Variants in CCSER1 observed in about 807,000 individuals in gnomAD.
CCSER1 encodes the protein coiled-coil serine rich protein 1, also known as serine-rich coiled-coil domain-containing protein 1.
CCSER1 carries 41 observed loss-of-function variants against 82.0 expected under a neutral mutation model. That is an observed-to-expected ratio of 0.50 (90% CI 0.39 to 0.65). The LOEUF (loss-of-function observed/expected upper bound fraction) is 0.65. CCSER1 is among the 30% of genes least tolerant of loss of function. CCSER1 has a pLI of 0.00. For synonymous variants in CCSER1, 414 were observed against 383.9 expected (o/e 1.08, Z -0.92); for missense variants, 1,119 against 1,064.2 (o/e 1.05, Z -0.72).
chr4:90,839,024 G>A (rs770744011), intron 8 of CCSER1: 5 of 1,612,378 alleles, frequency 3.1e-6, no homozygotes, highest in Non-Finnish European at 4.2e-6. Context: ...AGCCATATCG[G>A]GTTTGTCAGA....
At chr4:90,449,933 C>T (rs114178784) in intron 4 of CCSER1, among the ~76,000 whole-genome samples, 1,604 of 152,266 alleles carry the variant, frequency 0.011, 31 homozygotes, top group African/African-American at 0.036. Context: ...CCTGCTGGCT[C>T]CATGGAGTGT....
intron 9 of CCSER1, among the ~76,000 whole-genome samples, chr4:90,956,279 G>A (rs1321194347): frequency 6.6e-6 from 1 of 152,162 alleles, no homozygotes; most frequent in Non-Finnish European, 1.5e-5. Flanking sequence ...TTTGGCTTAA[G>A]AAAGACCTAC....
intron 7 of CCSER1, among the ~76,000 whole-genome samples, chr4:90,739,372 C>T (rs929464517): frequency 1.3e-5 from 2 of 152,170 alleles, no homozygotes; most frequent in Admixed American, 6.5e-5. Context: ...CTTTCCCCCT[C>T]CTCTCCTTAA....
rs542978696 is a variant in CCSER1 at position 90,890,460 on chromosome 4, A to G, written c.2095-32910A>G. Reference sequence around the variant, plus strand: ...AGGTGAATGCTCACTCTAAGCAGCCAGTACCGGACTGTCTTTGTCAGTGAG... The same window carrying G: ...AGGTGAATGCTCACTCTAAGCAGCCGGTACCGGACTGTCTTTGTCAGTGAG... On this transcript the variant is annotated intron_variant, in intron 8 of 10. Coordinates refer to ENST00000509176, the MANE Select transcript of CCSER1 (RefSeq NM_001145065.2). Among the ~76,000 whole-genome samples the G allele has an allele frequency of 3.3e-5, 5 of 152,300 alleles. No homozygotes were observed. The East Asian group carries it at 5.8e-4, about 18-fold the overall frequency.
chr4:90,984,447 A>C (rs1736404597), intron 9 of CCSER1, among the ~76,000 whole-genome samples: 1 of 151,744 alleles, frequency 6.6e-6, no homozygotes, highest in Admixed American at 6.6e-5. Context: ...GGCTGCCAGT[A>C]GCTTTCGTGT....
intron 5 of CCSER1, among the ~76,000 whole-genome samples, chr4:90,473,867 T>C (rs1398117024): frequency 1.2e-4 from 19 of 152,252 alleles, no homozygotes. Flanking sequence ...GGCAGATATT[T>C]ATTTGTTAAT....
chr4:90,355,700 C>A (rs1744262617), intron 3 of CCSER1, among the ~76,000 whole-genome samples: 2 of 151,910 alleles, frequency 1.3e-5, no homozygotes, highest in African/African-American at 4.8e-5. Context: ...TCTTCTTAAT[C>A]TGTAATTATA....
intron 7 of CCSER1, among the ~76,000 whole-genome samples, chr4:90,749,049 C>T (rs1748077159): frequency 6.6e-6 from 1 of 151,608 alleles, no homozygotes; most frequent in Non-Finnish European, 1.5e-5. Context: ...TAATTAGATC[C>T]CATTTGTCAA....
rs144154340 is a variant in CCSER1, at chr4:90,406,404, A to G, written c.1603+6275A>G. 5.5e-3 allele frequency among the ~76,000 whole-genome samples: 839 copies of G among 152,308 alleles called. 3 individuals are homozygous for G. Among genetic ancestry groups the G allele is most frequent in the African/African-American group, 0.017 (722 of 41,572 alleles). On this transcript the variant is annotated intron_variant, in intron 4 of 10. Transcript: ENST00000509176. ...AAGAAATGAGATAGATGGCAACACAATAATGGTGGGGGACTTCAATACTTC... is the reference window on the plus strand; with the variant it reads ...AAGAAATGAGATAGATGGCAACACAGTAATGGTGGGGGACTTCAATACTTC...
rs1053500328 is a variant in CCSER1 at position 90,233,642 on chromosome 4, A to C, written c.-41-74602A>C. On this transcript the variant is annotated intron_variant, in intron 1 of 10. Transcript: ENST00000509176. Reference sequence around the variant, plus strand: ...GTATAATAATAATAAATTAAAAAAAAAAAACAAAACAAACTGGCCTTATGA... The same window carrying C: ...GTATAATAATAATAAATTAAAAAAACAAAACAAAACAAACTGGCCTTATGA... Among the ~76,000 whole-genome samples, 14 of 151,734 alleles carry C rather than the reference A, an allele frequency of 9.2e-5. No homozygotes were observed. In the South Asian group the frequency reaches 1.0e-3, roughly 11 times the overall value.
At chr4:91,232,269 A>G (rs996166262) in intron 10 of CCSER1, among the ~76,000 whole-genome samples, 2 of 151,922 alleles carry the variant, frequency 1.3e-5, no homozygotes, top group Non-Finnish European at 2.9e-5. Flanking sequence ...TAATGTATAT[A>G]TAAGAATATT....
At chr4:90,780,407 A>G (rs1753609453) in intron 7 of CCSER1, 2 of 1,597,872 alleles carry the variant, frequency 1.3e-6, no homozygotes, top group South Asian at 2.2e-5. Flanking sequence ...TTGGTAGAAT[A>G]TAAGGACTGT....
chr4:90,864,290 G>C (rs7698571), intron 8 of CCSER1, among the ~76,000 whole-genome samples: 1 of 151,930 alleles, frequency 6.6e-6, no homozygotes, highest in South Asian at 2.1e-4. Flanking sequence ...TTGGATTTAG[G>C]TTATGCTATG....
chr4:90,491,935 A>AT (rs1768094694), intron 5 of CCSER1, among the ~76,000 whole-genome samples: 1 of 152,016 alleles, frequency 6.6e-6, no homozygotes, highest in African/African-American at 2.4e-5. Flanking sequence ...TTTATTGAGG[A>AT]TTTTTGCATC....
chr4:90,301,125 G>C (rs539309406), intron 1 of CCSER1, among the ~76,000 whole-genome samples: 1 of 152,096 alleles, frequency 6.6e-6, no homozygotes, highest in East Asian at 1.9e-4. Flanking sequence ...ATGAACCAGT[G>C]AACCCAGAGA....
At chr4:90,551,706 C>CTCTCTCTCTCTCTCTATATATATA in intron 5 of CCSER1, among the ~76,000 whole-genome samples, 9 of 104,240 alleles carry the variant, frequency 8.6e-5, no homozygotes, top group South Asian at 4.0e-4. Flanking sequence ...CTCTCTCTCT[C>CTCTCTCTCTCTCTCTATATATATA]TATATATATA....
intron 10 of CCSER1, among the ~76,000 whole-genome samples, chr4:91,389,840 A>G (rs11943389): frequency 0.013 from 1,963 of 152,134 alleles, 33 homozygotes; most frequent in Middle Eastern, 0.041. Context: ...TGGGGTGCTA[A>G]TACAAATGGT....
intron 3 of CCSER1, among the ~76,000 whole-genome samples, chr4:90,350,800 A>G (rs564940376): frequency 1.0e-3 from 153 of 152,254 alleles, no homozygotes; most frequent in African/African-American, 3.6e-3. Context: ...ATAGTCAACC[A>G]TATTCTCTGA....
chr4:90,624,563 C>T (rs1229561532), intron 5 of CCSER1, among the ~76,000 whole-genome samples: 2 of 152,146 alleles, frequency 1.3e-5, no homozygotes, highest in Non-Finnish European at 2.9e-5. Context: ...ATAAGAAATT[C>T]CTTTCACACA....
Sources: allele counts gnomAD v4.1 joint callset (sites outside exome capture counted in the v4.1 genomes callset), GRCh38; gene constraint gnomAD v4.1.1; transcripts MANE v1.5; gene names NCBI Gene and HGNC (gene_info 2026-07-23, HGNC 2026-07-21).